The following PKHD1L1 variants were observed in gnomAD, a reference collection of about 807,000 sequenced individuals.
The protein encoded by PKHD1L1 is PKHD1 like 1, also known as fibrocystin-L.
Under a neutral mutation model 462.9 loss-of-function variants are expected in PKHD1L1, and 434 were observed. That is an observed-to-expected ratio of 0.94 (90% CI 0.87 to 1.02). The LOEUF is 1.02. PKHD1L1 is among the 50% of genes least tolerant of loss of function. PKHD1L1 has a pLI of 0.00. For missense variants in PKHD1L1, 5,202 were observed against 5,096.1 expected, an observed-to-expected ratio of 1.02 and a Z score of -0.63; for synonymous variants, 1,781 against 1,750.0, an observed-to-expected ratio of 1.02 and a Z score of -0.44.
rs774720594 is a variant in PKHD1L1, at chr8:109,454,703, A to T, written c.6745-20A>T. On this transcript the variant is annotated intron_variant, in intron 44 of 77. Coordinates refer to ENST00000378402, the MANE Select transcript of PKHD1L1 (RefSeq NM_177531.6). ...TTGGGGTTTTAATTTTCTGAATGGCATTTGTGACATCTTTTGCAGATTGGA... is the reference window on the plus strand; with the variant it reads ...TTGGGGTTTTAATTTTCTGAATGGCTTTTGTGACATCTTTTGCAGATTGGA... 12 of 1,609,968 alleles carry T rather than the reference A, an allele frequency of 7.5e-6. No individual in the cohort carries two copies. Among genetic ancestry groups the T allele is most frequent in the South Asian group, 1.1e-5 (1 of 90,646 alleles).
At chr8:109,477,070 C>T (rs1818025554) in intron 52 of PKHD1L1, among the ~76,000 whole-genome samples, 155 bp from the exon 53 acceptor site, 1 of 151,970 alleles carries the variant, frequency 6.6e-6, no homozygotes, top group Non-Finnish European at 1.5e-5. Context: ...CTTTATAATA[C>T]ATACATTATC....
chr8:109,410,075 T>A, intron 19 of PKHD1L1, 97 bp downstream of exon 19: 4 of 678,790 alleles, frequency 5.9e-6, no homozygotes, highest in Non-Finnish European at 9.1e-6. Flanking sequence ...CATTAATAAC[T>A]TTGTTATTCA....
chr8:109,527,015 C>T lies in PKHD1L1; in HGVS notation c.12716C>T (p.Thr4239Ile). The stretch of plus-strand genomic sequence containing the variant: ...GCTGCAGTTTCAACTTTGAATATAA[C>T]TTTAAGTAAGTACAGTCCATTAATA... The part of the protein sequence containing the change: ...FMAAVSTLNI[T>I]LRSY The change falls in exon 77 of 78, where the codon ACT becomes ATT. Residue 4239 changes from threonine (T) to isoleucine (I), a missense_variant. By Grantham distance (89) the Thr-to-Ile change is moderately conservative (BLOSUM62 -1). Coordinates refer to ENST00000378402, the MANE Select transcript of PKHD1L1 (RefSeq NM_177531.6). The T allele has an allele frequency of 6.2e-7, 1 of 1,601,612 alleles. No homozygotes were observed. The highest frequency in any genetic ancestry group is 8.6e-7 in the Non-Finnish European group (1 of 1,169,566).
Position 109,452,846 on chromosome 8 carries a change from C to G in PKHD1L1, c.6636C>G (p.Thr2212=). 6.7e-7 allele frequency: 1 copy of G among 1,500,644 alleles called. No individual in the cohort carries two copies. Among genetic ancestry groups the G allele is most frequent in the Non-Finnish European group, 8.9e-7 (1 of 1,125,946 alleles). The allele number at this position is 1,500,644 out of a possible 1,614,324, so 93.0% of individuals were successfully genotyped here. Residue 2212 remains threonine (T), a synonymous_variant, in exon 43 of 78, where the codon ACC becomes ACG. Coordinates refer to ENST00000378402, the MANE Select transcript of PKHD1L1 (RefSeq NM_177531.6). ...KGQTILLDQS[T]PILKMLLIQG... Reference sequence around the variant, plus strand: ...AGACCATTCTGCTGGATCAAAGCACCCCTATTTTGAAAATGTTGCTTATTC... The same window carrying G: ...AGACCATTCTGCTGGATCAAAGCACGCCTATTTTGAAAATGTTGCTTATTC...
At chr8:109,497,354 TCTC>T (rs61314588) in intron 65 of PKHD1L1, 82 bp downstream of exon 65, 20,647 of 1,457,746 alleles carry the variant, frequency 0.014, 768 homozygotes, top group African/African-American at 0.14. Flanking sequence ...ATAAGAATAA[TCTC>T]CTTAACTTCT....
intron 25 of PKHD1L1, among the ~76,000 whole-genome samples, chr8:109,428,019 G>T (rs1429026390): frequency 2.0e-5 from 1 of 50,196 alleles, no homozygotes; most frequent in South Asian, 1.0e-3. Context: ...GCAAAACTCC[G>T]TCTCAAAAAA....
chr8:109,382,861 G>A (rs895987058), intron 4 of PKHD1L1, among the ~76,000 whole-genome samples: 1 of 150,300 alleles, frequency 6.7e-6, no homozygotes, highest in Admixed American at 6.7e-5. Context: ...CTCTTAGTGT[G>A]ATTCTCCCTT....
chr8:109,477,519 C>T (rs932709485), intron 53 of PKHD1L1, 123 bp downstream of exon 53: 1 of 863,838 alleles, frequency 1.2e-6, no homozygotes, highest in African/African-American at 1.8e-5. Context: ...TTACAAAGTA[C>T]TTTCACATTC....
At chr8:109,498,844 T>A in intron 67 of PKHD1L1, 73 bp downstream of exon 67, 7 of 1,245,806 alleles carry the variant, frequency 5.6e-6, no homozygotes, top group South Asian at 1.4e-5. Context: ...ACTAATAATG[T>A]TTCATTGTTA....
intron 48 of PKHD1L1, among the ~76,000 whole-genome samples, chr8:109,462,266 A>G (rs1666923822): frequency 6.6e-6 from 1 of 152,116 alleles, no homozygotes; most frequent in Admixed American, 6.6e-5. Flanking sequence ...TTGCTCTAAT[A>G]GAGTTTCCAC....
At chr8:109,491,368 G>A (rs1818817114) in intron 61 of PKHD1L1, among the ~76,000 whole-genome samples, 1 of 151,770 alleles carries the variant, frequency 6.6e-6, no homozygotes, top group African/African-American at 2.4e-5. Flanking sequence ...ATAGCCACAT[G>A]TGGCTATGGT....
intron 23 of PKHD1L1, 72 bp from the exon 24 acceptor site, chr8:109,425,013 C>T: frequency 4.8e-6 from 6 of 1,252,120 alleles, no homozygotes; most frequent in Non-Finnish European, 6.5e-6. Flanking sequence ...AGGATTGTAC[C>T]ATGATGAAAT....
At chr8:109,387,123 G>C (rs1262139179) in intron 6 of PKHD1L1, among the ~76,000 whole-genome samples, 2 of 152,152 alleles carry the variant, frequency 1.3e-5, no homozygotes, top group Non-Finnish European at 2.9e-5. Context: ...TCTGTTAGTA[G>C]GGAGGGAGTT....
At position 109,491,869 on chromosome 8, in the gene PKHD1L1, A is replaced by G; in HGVS notation, c.10115-4A>G. ...TTTCTTTCTTTTTTTCTTTTTTTAA[A>G]CAGGCATAAGAATATGGGGGAATGC... On this transcript the variant is annotated splice_polypyrimidine_tract_variant and splice_region_variant and intron_variant, in intron 61 of 77. Transcript: ENST00000378402. 1.9e-6 allele frequency: 3 copies of G among 1,575,204 alleles called. No individual in the cohort carries two copies. The highest frequency in any genetic ancestry group is 1.7e-6 in the Non-Finnish European group (2 of 1,157,696).
At chr8:109,483,148 G>T in intron 57 of PKHD1L1, 43 bp downstream of exon 57, 1 of 1,386,910 alleles carries the variant, frequency 7.2e-7, no homozygotes. Context: ...TATACACAGT[G>T]GGTCAGCTGA....
Position 109,396,118 on chromosome 8 carries a change from C to T in PKHD1L1, c.903C>T (p.Pro301=), listed in dbSNP as rs6469258. 7,555 of 1,607,266 alleles carry T rather than the reference C, an allele frequency of 4.7e-3. 300 individuals carry two copies. In the African/African-American group the frequency reaches 0.089, roughly 19 times the overall value. The change falls in exon 11 of 78, where the codon CCC becomes CCT. Residue 301 remains proline, a synonymous_variant. Coordinates refer to ENST00000378402, the MANE Select transcript of PKHD1L1 (RefSeq NM_177531.6). ...SGRFFDQTDF[P]VRVLVGGEPC... The stretch of plus-strand genomic sequence containing the variant: ...GTTTCTTTGATCAGACAGATTTCCC[C>T]GTCAGAGTTCTAGTTGGAGGTATTT...
intron 72 of PKHD1L1, among the ~76,000 whole-genome samples, chr8:109,516,334 G>C (rs912497302): frequency 2.0e-5 from 3 of 152,072 alleles, no homozygotes; most frequent in Non-Finnish European, 2.9e-5. Context: ...GTCATGTTCT[G>C]CTGAGGGTTC....
chr8:109,407,894 G>T (rs748230014), intron 17 of PKHD1L1, among the ~76,000 whole-genome samples, 155 bp from the exon 18 acceptor site: 1 of 151,764 alleles, frequency 6.6e-6, no homozygotes, highest in South Asian at 2.1e-4. Flanking sequence ...GATCTACATC[G>T]CCCCCATTCT....
intron 63 of PKHD1L1, among the ~76,000 whole-genome samples, chr8:109,495,931 G>T (rs1178238351): frequency 6.6e-6 from 1 of 152,244 alleles, no homozygotes; most frequent in Non-Finnish European, 1.5e-5. Context: ...AATCCCCTTT[G>T]TTGTATATAT....
Sources: allele counts gnomAD v4.1 joint callset (sites outside exome capture counted in the v4.1 genomes callset), GRCh38; gene constraint gnomAD v4.1.1; transcripts MANE v1.5; gene names NCBI Gene and HGNC (gene_info 2026-07-23, HGNC 2026-07-21).